The following SLC12A6 variants were observed in gnomAD, a reference collection of about 807,000 sequenced individuals.
The protein encoded by SLC12A6 is solute carrier family 12 member 6, also known as K-Cl cotransporter 3.
Under a neutral mutation model 135.3 loss-of-function variants are expected in SLC12A6, and 66 were observed. The ratio of observed to expected loss-of-function variants is 0.49; its 90% confidence interval spans 0.40 to 0.60. SLC12A6 has a LOEUF of 0.60. Ranked by LOEUF, SLC12A6 falls within the 20% of genes least tolerant of loss-of-function variation. The pLI is 0.00. For synonymous variants in SLC12A6, 513 were observed against 508.8 expected (o/e 1.01, Z -0.11); for missense variants, 1,058 against 1,452.3 (o/e 0.73, Z 4.41).
rs1892093891 is a variant in SLC12A6, at chr15:34,247,708, C to T, written c.1650-1841G>A. Among the ~76,000 whole-genome samples, 4 of 143,678 alleles carry T rather than the reference C, an allele frequency of 2.8e-5. No homozygotes were observed. The South Asian group carries it at 8.8e-4, about 32-fold the overall frequency. The allele number at this position is 143,678 out of a possible 152,430, so 94.3% of individuals were successfully genotyped here. On this transcript the variant is annotated intron_variant, in intron 13 of 25. Transcript: ENST00000354181. ...CCTTTCTTCCTCTCCACTATCCTGACTTTTTTTTTTTTTTGAGACAGGGTC... is the reference window on the plus strand; with the variant it reads ...CCTTTCTTCCTCTCCACTATCCTGATTTTTTTTTTTTTTTGAGACAGGGTC...
chr15:34,238,571 A>G (rs1891434206), intron 20 of SLC12A6, 170 bp from the exon 21 acceptor site: 1 of 665,750 alleles, frequency 1.5e-6, no homozygotes. Flanking sequence ...AAATCTGAAT[A>G]GCTAACAGAC....
intron 2 of SLC12A6, among the ~76,000 whole-genome samples, chr15:34,331,537 T>A (rs1313312424): frequency 6.6e-6 from 1 of 152,190 alleles, no homozygotes; most frequent in Non-Finnish European, 1.5e-5. Flanking sequence ...TTTATCAGAG[T>A]ACGTTTTTAA....
intron 3 of SLC12A6, among the ~76,000 whole-genome samples, chr15:34,271,738 C>A (rs1318547810): frequency 6.6e-6 from 1 of 152,076 alleles, no homozygotes; most frequent in East Asian, 1.9e-4. Context: ...CCCGATGAGT[C>A]AGTGGGAACA....
At chr15:34,246,064 C>T (rs1320499981) in intron 13 of SLC12A6, among the ~76,000 whole-genome samples, 197 bp from the exon 14 acceptor site, 1 of 152,092 alleles carries the variant, frequency 6.6e-6, no homozygotes, top group Non-Finnish European at 1.5e-5. Context: ...TCCTGAGCAT[C>T]TGAGATCACA....
chr15:34,246,752 T>C (rs1162353159), intron 13 of SLC12A6, among the ~76,000 whole-genome samples: 1 of 152,124 alleles, frequency 6.6e-6, no homozygotes, highest in East Asian at 1.9e-4. Context: ...GCTCAGGCGA[T>C]GCTCCTGCCT....
At chr15:34,269,983 A>AATTATCATTATGAACTCATAAACT in intron 3 of SLC12A6, among the ~76,000 whole-genome samples, 2 of 152,042 alleles carry the variant, frequency 1.3e-5, no homozygotes, top group African/African-American at 4.8e-5. Context: ...ATTAGCTAGA[A>AATTATCATTATGAACTCATAAACT]TACCTCTATA....
intron 3 of SLC12A6, among the ~76,000 whole-genome samples, chr15:34,272,899 C>T (rs1174385651): frequency 6.6e-6 from 1 of 152,146 alleles, no homozygotes; most frequent in Admixed American, 6.5e-5. Context: ...ATGTATGTAT[C>T]AGGGACAGAA....
At position 34,336,746 on chromosome 15, in the gene SLC12A6, C is replaced by T. The variant is rs745598039; in HGVS notation, c.-66G>A. The T allele has an allele frequency of 1.8e-5, 22 of 1,238,980 alleles. No individual in the cohort carries two copies. Among genetic ancestry groups the T allele is most frequent in the Admixed American group, 5.1e-5 (3 of 59,144 alleles). The allele number at this position is 1,238,980 out of a possible 1,614,324, so 76.7% of individuals were successfully genotyped here. A position where few individuals can be genotyped will look rare whatever the true frequency, so the allele number is the denominator to read the frequency against. On this transcript the variant is annotated 5_prime_UTR_variant, in exon 2 of 26. Transcript: ENST00000354181. ...CAAAATCTTCCTCTTACGCTAGCTA[C>T]TTTTGACTGCAATACAAAAGATAAC...
chr15:34,275,370 G>T lies in SLC12A6; in HGVS notation c.291C>A (p.Ile97=). 1 of 1,545,208 alleles carries T rather than the reference G, an allele frequency of 6.5e-7. No individual in the cohort carries two copies. Among genetic ancestry groups the T allele is most frequent in the Non-Finnish European group, 8.9e-7 (1 of 1,117,916 alleles). Residue 97 remains isoleucine (I), a synonymous_variant, in exon 3 of 26, where the codon ATC becomes ATA. Transcript: ENST00000354181. ...CTAACAGTTGGCTGTGTTCCCCTGT[G>T]ATGGAGTTCTGACTCAGGTCTGAAA... The part of the protein sequence containing the change: ...DVIEDLSQNS[I]TGEHSQLLDD...
chr15:34,314,073 A>C (rs1459614768), intron 2 of SLC12A6, among the ~76,000 whole-genome samples: 4 of 136,062 alleles, frequency 2.9e-5, no homozygotes, highest in Non-Finnish European at 6.1e-5. Flanking sequence ...TTTGAGACGT[A>C]GTCTTGCTCT....
chr15:34,329,619 C>T (rs1182501042), intron 2 of SLC12A6, among the ~76,000 whole-genome samples: 1 of 152,040 alleles, frequency 6.6e-6, no homozygotes, highest in Non-Finnish European at 1.5e-5. Context: ...AGATCAAAGA[C>T]AAGAAGTTGA....
At chr15:34,245,595 C>T in intron 14 of SLC12A6, 98 bp downstream of exon 14, 3 of 1,145,616 alleles carry the variant, frequency 2.6e-6, no homozygotes, top group Non-Finnish European at 2.6e-6. Flanking sequence ...CCCACGTCTC[C>T]ACATTTATGA....
rs1891080847 is a variant in SLC12A6, at chr15:34,233,874, G to A, written c.*7C>T. ...AAAACAGGTCAAGCACGGTCATTCA[G>A]AGTAGGTTATGAATAAATGGTGATC... On this transcript the variant is annotated 3_prime_UTR_variant, in exon 26 of 26. Transcript: ENST00000354181. 1 of 1,503,268 alleles carries A rather than the reference G, an allele frequency of 6.7e-7. No homozygotes were observed. Among genetic ancestry groups the A allele is most frequent in the Admixed American group, 1.7e-5 (1 of 59,872 alleles). The allele number at this position is 1,503,268 out of a possible 1,614,324, so 93.1% of individuals were successfully genotyped here.
Position 34,257,711 on chromosome 15 carries a change from G to C in SLC12A6, c.621C>G (p.Arg207=). 6.2e-7 allele frequency: 1 copy of C among 1,611,386 alleles called. No individual in the cohort carries two copies. The highest frequency in any genetic ancestry group is 8.5e-7 in the Non-Finnish European group (1 of 1,177,588). ...CAGCTGTGCCCACCACCCATGTAAGGCGTAAAAAAAGGATCACTCCAAAAA... is the reference window on the plus strand; with the variant it reads ...CAGCTGTGCCCACCACCCATGTAAGCCGTAAAAAAAGGATCACTCCAAAAA... ...QNIFGVILFL[R]LTWVVGTAGV... The change falls in exon 6 of 26, where the codon CGC becomes CGG. Residue 207 remains arginine, a synonymous_variant. Transcript: ENST00000354181.
chr15:34,329,571 A>G (rs1889699895), intron 2 of SLC12A6, among the ~76,000 whole-genome samples: 1 of 152,134 alleles, frequency 6.6e-6, no homozygotes, highest in Admixed American at 6.5e-5. Flanking sequence ...TGGGCTCATG[A>G]TGGAAAGACT....
At chr15:34,315,313 C>T (rs1566864649) in intron 2 of SLC12A6, among the ~76,000 whole-genome samples, 1 of 152,188 alleles carries the variant, frequency 6.6e-6, no homozygotes, top group Non-Finnish European at 1.5e-5. Flanking sequence ...CCACAACCTT[C>T]AGCAGCCCAC....
chr15:34,244,535 C>T (rs1891855796), intron 15 of SLC12A6, among the ~76,000 whole-genome samples: 1 of 152,142 alleles, frequency 6.6e-6, no homozygotes, highest in Non-Finnish European at 1.5e-5. Context: ...AAGGATTACC[C>T]ACTACTTCCA....
At chr15:34,237,077 CTT>C (rs1433175577) in intron 22 of SLC12A6, 1 of 491,532 alleles carries the variant, frequency 2.0e-6, no homozygotes, top group Non-Finnish European at 3.7e-6. Flanking sequence ...TCCAGTCTCT[CTT>C]TTTTATACTG....
chr15:34,275,263 T>C (rs1013083785), intron 3 of SLC12A6, 82 bp downstream of exon 3: 2 of 742,184 alleles, frequency 2.7e-6, no homozygotes, highest in Non-Finnish European at 4.9e-6. Context: ...GAAAATAGAA[T>C]CAGAGAAGGG....
Sources: gnomAD v4.1 joint callset for allele counts (sites outside exome capture counted in the v4.1 genomes callset) on GRCh38, gnomAD v4.1.1 for gene constraint, MANE v1.5 for transcripts, NCBI Gene and HGNC (gene_info 2026-07-23, HGNC 2026-07-21) for gene names.